LINGO2: variants seen among roughly 807,000 people sequenced by gnomAD.
LINGO2 encodes the protein leucine rich repeat and Ig domain containing 2.
Under a neutral mutation model 30.6 loss-of-function variants are expected in LINGO2, and 14 were observed. The observed-to-expected ratio is 0.46, with a 90% CI of 0.30 to 0.72. The LOEUF (loss-of-function observed/expected upper bound fraction) is 0.72. Ranked by LOEUF, LINGO2 falls within the 30% of genes least tolerant of loss-of-function variation. The pLI is 0.07. For missense variants in LINGO2, 729 were observed against 751.7 expected, an observed-to-expected ratio of 0.97 and a Z score of 0.35; for synonymous variants, 317 against 288.5, an observed-to-expected ratio of 1.10 and a Z score of -1.00.
chr9:28,020,114 G>C (rs1823039210), intron 4 of LINGO2, among the ~76,000 whole-genome samples: 1 of 152,124 alleles, frequency 6.6e-6, no homozygotes, highest in Admixed American at 6.5e-5. Context: ...CTTCCAGTCT[G>C]AATGAGCCAT....
At chr9:28,863,082 C>T in the LINGO2 span, among the ~76,000 whole-genome samples, 1 of 151,982 alleles carries the variant, frequency 6.6e-6, no homozygotes, top group East Asian at 1.9e-4. Context: ...TAATATATGC[C>T]ATCAAAATGT....
At chr9:28,667,434 A>G (rs1343261842) in intron 1 of LINGO2, among the ~76,000 whole-genome samples, 1 of 151,996 alleles carries the variant, frequency 6.6e-6, no homozygotes, top group Admixed American at 6.6e-5. Flanking sequence ...AACAAGTCAT[A>G]CCTAATCCTC....
intron 2 of LINGO2, among the ~76,000 whole-genome samples, chr9:28,417,604 G>T (rs183618668): frequency 6.6e-6 from 1 of 152,158 alleles, no homozygotes; most frequent in African/African-American, 2.4e-5. Flanking sequence ...TTCACTTTAC[G>T]TGATGAACTC....
intron 3 of LINGO2, among the ~76,000 whole-genome samples, chr9:28,312,592 A>G (rs1564115308): frequency 6.6e-6 from 1 of 152,204 alleles, no homozygotes; most frequent in Admixed American, 6.5e-5. Context: ...TAATTAAGGC[A>G]CTAGTAGTAT....
chr9:28,172,953 G>A (rs894414145), intron 4 of LINGO2, among the ~76,000 whole-genome samples: 1 of 152,152 alleles, frequency 6.6e-6, no homozygotes, highest in Non-Finnish European at 1.5e-5. Flanking sequence ...CTGGAGTCCA[G>A]TATATGTAAT....
intron 4 of LINGO2, among the ~76,000 whole-genome samples, chr9:28,169,680 A>T (rs1308507890): frequency 6.6e-6 from 1 of 152,220 alleles, no homozygotes; most frequent in African/African-American, 2.4e-5. Context: ...AAACAAATAA[A>T]TATAGTGCAT....
intron 4 of LINGO2, among the ~76,000 whole-genome samples, chr9:28,078,762 C>T (rs527601695): frequency 4.9e-4 from 73 of 147,596 alleles, no homozygotes; most frequent in Non-Finnish European, 5.0e-4. Context: ...GCAGGAGAAC[C>T]GCCTGAACCT....
chr9:28,982,131 A>G, the LINGO2 span, among the ~76,000 whole-genome samples: 1 of 152,072 alleles, frequency 6.6e-6, no homozygotes, highest in Non-Finnish European at 1.5e-5. Context: ...AAAAATTCAA[A>G]TTTCTAAACA....
rs146292565 is a variant in LINGO2, at chr9:28,342,037, A to C, written c.-246+30799T>G. Reference sequence around the variant, plus strand: ...CAAATACCAAAAAAAGGAGGGGAAAATGTTGCTTAAAACTTATGGGGAAAG... The same window carrying C: ...CAAATACCAAAAAAAGGAGGGGAAACTGTTGCTTAAAACTTATGGGGAAAG... On this transcript the variant is annotated intron_variant, in intron 3 of 5. Coordinates refer to ENST00000379992, the Ensembl canonical transcript of LINGO2. Among the ~76,000 whole-genome samples, 798 of 152,244 alleles carry C rather than the reference A, an allele frequency of 5.2e-3. 8 individuals carry two copies. Among genetic ancestry groups the C allele is most frequent in the African/African-American group, 0.017 (725 of 41,544 alleles).
the LINGO2 span, among the ~76,000 whole-genome samples, chr9:29,153,510 T>C: frequency 6.6e-6 from 1 of 152,186 alleles, no homozygotes; most frequent in African/African-American, 2.4e-5. Flanking sequence ...AAAAGTTTTT[T>C]ATTATTTGTT....
the LINGO2 span, among the ~76,000 whole-genome samples, chr9:28,990,126 T>A: frequency 6.6e-6 from 1 of 152,102 alleles, no homozygotes; most frequent in Non-Finnish European, 1.5e-5. Context: ...GTCAGGGAGT[T>A]CCCTTTCCTA....
At chr9:28,540,224 T>C (rs1479974399) in intron 1 of LINGO2, among the ~76,000 whole-genome samples, 1 of 152,020 alleles carries the variant, frequency 6.6e-6, no homozygotes, top group Non-Finnish European at 1.5e-5. Context: ...AGTTCATTTT[T>C]TTTTTCTTTG....
chr9:28,280,062 A>G (rs1823263839), intron 4 of LINGO2, among the ~76,000 whole-genome samples: 1 of 152,176 alleles, frequency 6.6e-6, no homozygotes, highest in Non-Finnish European at 1.5e-5. Context: ...ATTTATAACT[A>G]TCTTCTGACT....
chr9:28,626,380 A>G lies in LINGO2; in HGVS notation c.-365+43820T>C, dbSNP rs73443354. On this transcript the variant is annotated intron_variant, in intron 1 of 5. Transcript: ENST00000379992. ...TCATTTCATTAATAAAGTATTCTTT[A>G]AGGAAAAAAATGTTTACTTTTAATA... Among the ~76,000 whole-genome samples the G allele has an allele frequency of 1.7e-3, 258 of 152,158 alleles. 1 individual carries two copies. Among genetic ancestry groups the G allele is most frequent in the African/African-American group, 5.8e-3 (240 of 41,542 alleles).
At chr9:29,044,501 T>G in the LINGO2 span, among the ~76,000 whole-genome samples, 1 of 152,022 alleles carries the variant, frequency 6.6e-6, no homozygotes, top group Non-Finnish European at 1.5e-5. Context: ...CTAGTGAGAA[T>G]GTAAACAGGT....
chr9:28,469,851 T>C (rs979230076), intron 2 of LINGO2, among the ~76,000 whole-genome samples: 2 of 152,110 alleles, frequency 1.3e-5, no homozygotes, highest in East Asian at 3.8e-4. Flanking sequence ...AATGAAAACA[T>C]GATAGGCAGT....
chr9:28,593,899 A>AG (rs1825047946), intron 1 of LINGO2, among the ~76,000 whole-genome samples: 1 of 152,100 alleles, frequency 6.6e-6, no homozygotes, highest in African/African-American at 2.4e-5. Context: ...ATTTCTAGGA[A>AG]GCAGCTTAAA....
In LINGO2 at chr9:27,997,394, C is replaced by T. The variant is rs192774248; in HGVS notation, c.-36+14961G>A. ...TTATTAAGCACTTTGAGATGTGCTC[C>T]CCCCTCCCCCCGTCATAAGTGAGAA... On this transcript the variant is annotated intron_variant, in intron 5 of 5. Coordinates refer to ENST00000379992, the Ensembl canonical transcript of LINGO2. Among the ~76,000 whole-genome samples, 554 of 152,112 alleles carry T rather than the reference C, an allele frequency of 3.6e-3. 2 individuals are homozygous for T. The highest frequency in any genetic ancestry group is 5.6e-3 in the Non-Finnish European group (379 of 67,998).
chr9:28,520,265 A>C (rs2135397019), intron 1 of LINGO2, among the ~76,000 whole-genome samples: 1 of 152,218 alleles, frequency 6.6e-6, no homozygotes, highest in Non-Finnish European at 1.5e-5. Flanking sequence ...GTACTTCTAA[A>C]ATTTTATTAT....
Sources: gnomAD v4.1 joint callset for allele counts (sites outside exome capture counted in the v4.1 genomes callset) on GRCh38, gnomAD v4.1.1 for gene constraint, MANE v1.5 for transcripts, NCBI Gene and HGNC (gene_info 2026-07-23, HGNC 2026-07-21) for gene names.